The following PHLDB1 variants were observed in gnomAD, a reference collection of about 807,000 sequenced individuals.
PHLDB1 encodes the protein pleckstrin homology like domain family B member 1, also known as pleckstrin homology-like domain family B member 1.
Under a neutral mutation model 139.3 loss-of-function variants are expected in PHLDB1, and 65 were observed. The ratio of observed to expected loss-of-function variants is 0.47; its 90% CI spans 0.38 to 0.57. The LOEUF (loss-of-function observed/expected upper bound fraction) is 0.57, where lower values mean the gene tolerates loss of function less well. Among genes scored for constraint, PHLDB1 ranks in the 20% least tolerant of loss-of-function variants. The probability of loss-of-function intolerance (pLI) is 0.00; values close to 1 mark genes in which losing one functional copy is unlikely to be tolerated. For missense variants in PHLDB1, 1,624 were observed against 1,839.7 expected (o/e 0.88, Z 2.14); for synonymous variants, 679 against 734.5 (o/e 0.92, Z 1.22).
At chr11:118,638,750 G>A (rs1344832087) in intron 10 of PHLDB1, 141 bp from the exon 11 acceptor site, 1 of 638,766 alleles carries the variant, frequency 1.6e-6, no homozygotes, top group Non-Finnish European at 2.7e-6. Context: ...TGTTTTCTTA[G>A]GGTGAGTTGA....
At chr11:118,613,169 T>TA (rs1565388046) in intron 1 of PHLDB1, 8 of 450,008 alleles carry the variant, frequency 1.8e-5, no homozygotes, top group Non-Finnish European at 2.3e-5. Context: ...TGTTTTTAAT[T>TA]AAAAAAAATT....
At chr11:118,646,067 T>A (rs1247265015) in intron 17 of PHLDB1, among the ~76,000 whole-genome samples, 1 of 152,068 alleles carries the variant, frequency 6.6e-6, no homozygotes, top group Non-Finnish European at 1.5e-5. Context: ...GAAACCATCC[T>A]GGCTAACACG....
chr11:118,645,343 G>T lies in PHLDB1; in HGVS notation c.3122-13G>T, dbSNP rs1555126143. The T allele has an allele frequency of 6.6e-7, 1 of 1,508,678 alleles. No homozygotes were observed. Among genetic ancestry groups the T allele is most frequent in the Non-Finnish European group, 8.9e-7 (1 of 1,128,586 alleles). 93.5% of individuals were successfully genotyped at this position (1,508,678 alleles called of 1,614,324 possible). A position where few individuals can be genotyped will look rare whatever the true frequency, so the allele number is the denominator to read the frequency against. On this transcript the variant is annotated splice_polypyrimidine_tract_variant and intron_variant, in intron 15 of 22. Transcript: ENST00000600882. This position sits in a 1 kb window ranked among gnomAD's most constrained non-coding sequence, Gnocchi z 5.1. ...GGGGAGCCCACTGTGACTCCCATCT[G>T]TCTCTCCTTCAGGACAACAAGTGAT...
chr11:118,631,946 G>A lies in PHLDB1; in HGVS notation c.2134G>A (p.Glu712Lys). The change falls in exon 8 of 23, where the codon GAG (glutamate) becomes AAG (lysine). Residue 712 changes from glutamate to lysine, a missense_variant. Physicochemically the swap from Glu to Lys is moderately conservative, Grantham distance 56. Transcript: ENST00000600882. ...EDAPSTKLQG[E>K]VLALEEERAQ... ...TGCACCTAGCACCAAGCTCCAGGGA[G>A]AGGTGCTAGCCCTGGAAGAAGAGCG... 2 of 1,613,996 alleles carry A rather than the reference G, an allele frequency of 1.2e-6. No individual in the cohort carries two copies. Among genetic ancestry groups the A allele is most frequent in the Non-Finnish European group, 1.7e-6 (2 of 1,179,932 alleles).
intron 18 of PHLDB1, 116 bp downstream of exon 18, chr11:118,648,192 T>C (rs1555131826): frequency 2.4e-5 from 26 of 1,069,374 alleles, no homozygotes; most frequent in Middle Eastern, 2.1e-4. Context: ...CCAGAAAAGA[T>C]TGCTGTTGGC....
At position 118,639,233 on chromosome 11, in the gene PHLDB1, C is replaced by A. The variant is rs567096152; in HGVS notation, c.2718C>A (p.Thr906=). 8.7e-6 allele frequency: 14 copies of A among 1,613,526 alleles called. 1 individual carries two copies. The South Asian group carries it at 1.5e-4, about 18-fold the overall frequency. The change falls in exon 12 of 23, where the codon ACC becomes ACA. Residue 906 remains threonine (T), a synonymous_variant. Transcript: ENST00000600882. ...CAGGGGGCAGGCCTTTCCCGAAGACCACATCGACCCTCAAAGAGGTATCAT... is the reference window on the plus strand; with the variant it reads ...CAGGGGGCAGGCCTTTCCCGAAGACAACATCGACCCTCAAAGAGGTATCAT... ...SLTGGRPFPK[T]TSTLKEMEKL... is the part of the protein sequence containing the mutation.
chr11:118,642,038 T>G (rs1199403614), intron 12 of PHLDB1: 5 of 644,952 alleles, frequency 7.8e-6, no homozygotes, highest in Non-Finnish European at 1.4e-5. Flanking sequence ...CTCTTCTTTT[T>G]CTTGATGCTC....
chr11:118,627,236 G>A, intron 5 of PHLDB1, 69 bp from the exon 6 acceptor site: 1 of 1,478,134 alleles, frequency 6.8e-7, no homozygotes, highest in South Asian at 1.2e-5. Context: ...TAGGAGGAGG[G>A]GGGCTAGTGC....
Position 118,650,785 on chromosome 11 carries a change from C to T in PHLDB1, c.3874+238C>T. 1 of 542,190 alleles carries T rather than the reference C, an allele frequency of 1.8e-6. No individual in the cohort carries two copies. The allele number at this position is 542,190 out of a possible 1,614,324, so 33.6% of individuals were successfully genotyped here. On this transcript the variant is annotated intron_variant, in intron 20 of 22. Transcript: ENST00000600882. This position sits in a 1 kb window ranked among gnomAD's most constrained non-coding sequence, Gnocchi z 4.7. ...CTAAGCATCTAGTAAGTTCTAGGCACTGTTCTAGGCTCTGGTGATGAGTAA... is the reference window on the plus strand; with the variant it reads ...CTAAGCATCTAGTAAGTTCTAGGCATTGTTCTAGGCTCTGGTGATGAGTAA...
intron 18 of PHLDB1, among the ~76,000 whole-genome samples, chr11:118,648,311 GTGTGTGTGTGTGTT>G (rs1371669679): frequency 6.4e-5 from 9 of 141,260 alleles, no homozygotes; most frequent in African/African-American, 1.9e-4. Flanking sequence ...GTGTGTGTGT[GTGTGTGTGTGTGTT>G]TGTGTGCTGG....
Position 118,657,805 on chromosome 11 carries a change from C to T in PHLDB1, c.*982C>T, listed in dbSNP as rs1949201989. The T allele has an allele frequency of 6.2e-6, 1 of 161,824 alleles. No homozygotes were observed. Among genetic ancestry groups the T allele is most frequent in the Non-Finnish European group, 1.4e-5 (1 of 73,560 alleles). 10.0% of individuals were successfully genotyped at this position (161,824 alleles called of 1,614,324 possible). A position where few individuals can be genotyped will look rare whatever the true frequency, so the allele number is the denominator to read the frequency against. On this transcript the variant is annotated 3_prime_UTR_variant, in exon 23 of 23. Coordinates refer to ENST00000600882, the MANE Select transcript of PHLDB1 (RefSeq NM_001144758.3). The stretch of plus-strand genomic sequence containing the variant: ...AGATGATGCAGCAGAGGGGAAGGGC[C>T]CTGTGGTGCCGCCGCCCTTCCTTCA...
chr11:118,618,868 G>A (rs1407437131), intron 4 of PHLDB1, among the ~76,000 whole-genome samples: 1 of 151,618 alleles, frequency 6.6e-6, no homozygotes, highest in Admixed American at 6.6e-5. Flanking sequence ...ATGACAAGCA[G>A]AGATGGCAGT....
Position 118,632,469 on chromosome 11 carries a change from C to T in PHLDB1, c.2379+173C>T. On this transcript the variant is annotated intron_variant, in intron 9 of 22. Transcript: ENST00000600882. This position sits in a 1 kb window ranked among gnomAD's most constrained non-coding sequence, Gnocchi z 5.9. ...TCTCCTCCTCTGTGGAAGGAACCAG[C>T]TTGGAGGGCACTGCCAGGGGCTGGG... 1.4e-6 allele frequency: 1 copy of T among 707,010 alleles called. No individual in the cohort carries two copies. Among genetic ancestry groups the T allele is most frequent in the Non-Finnish European group, 2.4e-6 (1 of 420,392 alleles). The allele number at this position is 707,010 out of a possible 1,614,324, so 43.8% of individuals were successfully genotyped here. A position where few individuals can be genotyped will look rare whatever the true frequency, so the allele number is the denominator to read the frequency against.
intron 4 of PHLDB1, chr11:118,624,495 G>A (rs1943453034): frequency 1.9e-5 from 4 of 206,738 alleles, no homozygotes; most frequent in East Asian, 3.4e-4. Context: ...AGATGAGGAT[G>A]GGTCTTTAGA....
chr11:118,626,367 T>C (rs1347440343), intron 5 of PHLDB1, among the ~76,000 whole-genome samples: 1 of 152,166 alleles, frequency 6.6e-6, no homozygotes, highest in Non-Finnish European at 1.5e-5. Flanking sequence ...CTTTGTATAA[T>C]GCCTTCTGTT....
intron 6 of PHLDB1, among the ~76,000 whole-genome samples, chr11:118,630,366 A>AT (rs1251925017): frequency 6.6e-6 from 1 of 152,154 alleles, no homozygotes; most frequent in Non-Finnish European, 1.5e-5. Flanking sequence ...TGGTAGGGCC[A>AT]TGGGAGTACT....
intron 10 of PHLDB1, chr11:118,638,137 G>A (rs530725635): frequency 1.3e-5 from 2 of 152,352 alleles, no homozygotes; most frequent in East Asian, 3.9e-4. Flanking sequence ...CTGGCCTAAG[G>A]AAGCGACATA....
intron 6 of PHLDB1, among the ~76,000 whole-genome samples, chr11:118,630,241 C>T (rs1349107810): frequency 2.0e-5 from 3 of 152,042 alleles, no homozygotes; most frequent in South Asian, 2.1e-4. Flanking sequence ...GGTAGGCCTG[C>T]GGGAAAAGGC....
rs1386645903 is a variant in PHLDB1 at position 118,611,009 on chromosome 11, G to A, written c.-21-2807G>A. ...GCACCGCAGGGGTCTTTTTTTGGCCGCGGGGCCGGGCGGGCGGGTAATGAC... is the reference window on the plus strand; with the variant it reads ...GCACCGCAGGGGTCTTTTTTTGGCCACGGGGCCGGGCGGGCGGGTAATGAC... On this transcript the variant is annotated intron_variant, in intron 1 of 22. Transcript: ENST00000600882. The surrounding 1 kb of genome is among the most constrained non-coding windows in gnomAD (Gnocchi z 4.7). 6.6e-6 allele frequency among the ~76,000 whole-genome samples: 1 copy of A among 152,154 alleles called. No homozygotes were observed. The highest frequency in any genetic ancestry group is 1.5e-5 in the Non-Finnish European group (1 of 68,002).
Sources: allele counts gnomAD v4.1 joint callset (sites outside exome capture counted in the v4.1 genomes callset), GRCh38; gene constraint gnomAD v4.1.1; non-coding constraint Gnocchi (gnomAD v3.1); transcripts MANE v1.5; gene names NCBI Gene and HGNC (gene_info 2026-07-23, HGNC 2026-07-21).